Variants in RBM28 observed in about 807,000 individuals in gnomAD.
The protein encoded by RBM28 is RNA-binding protein 28.
A neutral mutation model predicts 98.3 loss-of-function variants in RBM28; 78 were observed. The observed-to-expected ratio is 0.79, with a 90% CI of 0.66 to 0.96. The LOEUF is 0.96. Among genes scored for constraint, RBM28 ranks in the 40% least tolerant of loss-of-function variants. RBM28 has a pLI of 0.00. For synonymous variants in RBM28, 306 were observed against 330.9 expected, an observed-to-expected ratio of 0.92 and a Z score of 0.82; for missense variants, 838 against 913.0, an observed-to-expected ratio of 0.92 and a Z score of 1.06.
Position 128,302,675 on chromosome 7 carries a change from G to GAGAA in RBM28, c.*8118_*8121dup, listed in dbSNP as rs776209107. ...ATTTGGCTTGTGGTAGATCAGGAGA[G>GAGAA]AGAAAGAAAGAAAAAACAACTACAA... On this transcript the variant is annotated 3_prime_UTR_variant, in exon 19 of 19. Transcript: ENST00000223073. 4 of 152,200 alleles carry GAGAA rather than the reference G, an allele frequency of 2.6e-5. No homozygotes were observed. Among genetic ancestry groups the GAGAA allele is most frequent in the Non-Finnish European group, 4.4e-5 (3 of 68,058 alleles). 9.4% of individuals were successfully genotyped at this position (152,200 alleles called of 1,614,324 possible).
At position 128,332,833 on chromosome 7, in the gene RBM28, G is replaced by A. The variant is rs568115570; in HGVS notation, c.1019+457C>T. ...TAGAGCTAAAACACAACAGCAACAC[G>A]AAATAAAGCCTATTGCCACCCCCAC... On this transcript the variant is annotated intron_variant, in intron 9 of 18. Transcript: ENST00000223073. 6.5e-4 allele frequency among the ~76,000 whole-genome samples: 99 copies of A among 152,182 alleles called. 1 individual carries two copies. Among genetic ancestry groups the A allele is most frequent in the Middle Eastern group, 6.8e-3 (2 of 294 alleles).
At position 128,317,716 on chromosome 7, in the gene RBM28, G is replaced by A. The variant is rs1584638503; in HGVS notation, c.1731C>T (p.Phe577=). ...FGPLKRPIVE[F]SLEDRRKLKM... ...TAAGTTTTCTTCGATCTTCTAAAGA[G>A]AACTCCACTATTGGTCTCTGTCAGA... The change falls in exon 16 of 19, where the codon TTC becomes TTT. Residue 577 remains phenylalanine (F), a synonymous_variant. Coordinates refer to ENST00000223073, the MANE Select transcript of RBM28 (RefSeq NM_018077.3). 4 of 1,605,560 alleles carry A rather than the reference G, an allele frequency of 2.5e-6. No individual in the cohort carries two copies. Among genetic ancestry groups the A allele is most frequent in the Middle Eastern group, 1.6e-4 (1 of 6,070 alleles).
chr7:128,310,675 C>T lies in RBM28; in HGVS notation c.*122G>A. 2 of 1,327,158 alleles carry T rather than the reference C, an allele frequency of 1.5e-6. No individual in the cohort carries two copies. Among genetic ancestry groups the T allele is most frequent in the Non-Finnish European group, 1.1e-6 (1 of 931,096 alleles). 82.2% of individuals were successfully genotyped at this position (1,327,158 alleles called of 1,614,324 possible). On this transcript the variant is annotated 3_prime_UTR_variant, in exon 19 of 19. Transcript: ENST00000223073. ...GTACACAGTCCAGGGCACCTCCGAG[C>T]ACAGTGGCAGTGCCCTTGGGGATTT...
intron 13 of RBM28, among the ~76,000 whole-genome samples, chr7:128,321,678 T>A (rs1170766660): frequency 6.6e-6 from 1 of 152,116 alleles, no homozygotes; most frequent in Non-Finnish European, 1.5e-5. Context: ...TTACATAAAA[T>A]TTTAAAGCCA....
chr7:128,298,851 A>G lies in RBM28; in HGVS notation c.*11946T>C, dbSNP rs1273785148. ...ATAGCGAAACTCTGTCTCTATAACA[A>G]ATACACCAAAAATTAGCTAGGCATG... On this transcript the variant is annotated 3_prime_UTR_variant, in exon 19 of 19. Coordinates refer to ENST00000223073, the MANE Select transcript of RBM28 (RefSeq NM_018077.3). 2.0e-5 allele frequency: 3 copies of G among 152,134 alleles called. No homozygotes were observed. Among genetic ancestry groups the G allele is most frequent in the Admixed American group, 1.3e-4 (2 of 15,260 alleles). 9.4% of individuals were successfully genotyped at this position (152,134 alleles called of 1,614,324 possible). A position where few individuals can be genotyped will look rare whatever the true frequency, so the allele number is the denominator to read the frequency against.
intron 10 of RBM28, among the ~76,000 whole-genome samples, chr7:128,328,260 T>A (rs939480752): frequency 6.6e-6 from 1 of 152,228 alleles, no homozygotes; most frequent in African/African-American, 2.4e-5. Flanking sequence ...AATAGGCAGA[T>A]TCAAATGAAT....
chr7:128,315,470 C>T (rs1325646207), intron 16 of RBM28, among the ~76,000 whole-genome samples: 1 of 152,172 alleles, frequency 6.6e-6, no homozygotes, highest in African/African-American at 2.4e-5. Flanking sequence ...AATTTACAAC[C>T]AGTCATATCA....
intron 1 of RBM28, among the ~76,000 whole-genome samples, chr7:128,342,769 T>G (rs994938432): frequency 2.0e-5 from 3 of 152,244 alleles, no homozygotes; most frequent in Admixed American, 6.5e-5. Context: ...CCAGTCACCC[T>G]GTCCTCCTTA....
chr7:128,312,088 A>AACAC (rs34825938), intron 18 of RBM28, among the ~76,000 whole-genome samples: 11,337 of 152,060 alleles, frequency 0.075, 578 homozygotes, highest in East Asian at 0.25. Context: ...GATATAAGGA[A>AACAC]ACACACACAC....
In RBM28 at chr7:128,330,865, G is replaced by C; in HGVS notation, c.1083C>G (p.Leu361=). Residue 361 remains leucine, a synonymous_variant, in exon 10 of 19, where the codon CTC becomes CTG. Coordinates refer to ENST00000223073, the MANE Select transcript of RBM28 (RefSeq NM_018077.3). ...GATGCAAGACAATGCGGACATATTT[G>C]AGTTCTCCAAACTGTTGGAGAAGCT... The part of the protein sequence containing the change: ...LGELLQQFGE[L]KYVRIVLHPD... 6.2e-7 allele frequency: 1 copy of C among 1,614,104 alleles called. No homozygotes were observed.
intron 13 of RBM28, among the ~76,000 whole-genome samples, chr7:128,323,262 T>C (rs1796275066): frequency 6.6e-6 from 1 of 152,204 alleles, no homozygotes; most frequent in Non-Finnish European, 1.5e-5. Context: ...TAGCAGCATG[T>C]GTTCAGCAAA....
chr7:128,320,771 CTGT>C (rs1434466713), intron 14 of RBM28, among the ~76,000 whole-genome samples: 14 of 152,374 alleles, frequency 9.2e-5, no homozygotes, highest in African/African-American at 3.4e-4. Flanking sequence ...TTGCATTCTG[CTGT>C]AATTCAGTCA....
chr7:128,317,433 T>C (rs1796128726), intron 16 of RBM28, among the ~76,000 whole-genome samples: 5 of 152,270 alleles, frequency 3.3e-5, no homozygotes, highest in Middle Eastern at 3.4e-3. Flanking sequence ...GGAAATAACA[T>C]TGGTCTGCTT....
rs1796027293 is a variant in RBM28, at chr7:128,313,266, T to G, written c.2054A>C (p.Asp685Ala). 6.2e-7 allele frequency: 1 copy of G among 1,613,858 alleles called. No individual in the cohort carries two copies. Among genetic ancestry groups the G allele is most frequent in the Non-Finnish European group, 8.5e-7 (1 of 1,179,844 alleles). The change falls in exon 18 of 19, where the codon GAC becomes GCC. Residue 685 changes from aspartate (D) to alanine (A), a missense_variant. By Grantham distance (126) the Asp-to-Ala change is moderately radical. Coordinates refer to ENST00000223073, the MANE Select transcript of RBM28 (RefSeq NM_018077.3). ...ATGGACGGGCTTCACTTTGCCTTTG[T>G]CCCGCAACCTGAAATAACATGGCTG... is the stretch of plus-strand genomic sequence containing the variant. ...SHRGPKIRLR[D>A]KGKVKPVHPK...
chr7:128,339,718 C>T lies in RBM28; in HGVS notation c.192G>A (p.Glu64=). 6.2e-7 allele frequency: 1 copy of T among 1,613,888 alleles called. No homozygotes were observed. Among genetic ancestry groups the T allele is most frequent in the South Asian group, 1.1e-5 (1 of 91,072 alleles). The stretch of plus-strand genomic sequence containing the variant: ...TCTTGCAACCTTCAAAGGTGGTAAT[C>T]TCCTTGAGGGCCCTCTGAACATCTT... The part of the protein sequence containing the change: ...MLEDVQRALK[E]ITTFEGCKIN... The change falls in exon 2 of 19, where the codon GAG becomes GAA. Residue 64 remains glutamate (E), a synonymous_variant. Transcript: ENST00000223073.
chr7:128,302,618 C>A lies in RBM28; in HGVS notation c.*8179G>T, dbSNP rs2116298367. 1 of 152,242 alleles carries A rather than the reference C, an allele frequency of 6.6e-6. No individual in the cohort carries two copies. The highest frequency in any genetic ancestry group is 2.1e-4 in the South Asian group (1 of 4,822). The allele number at this position is 152,242 out of a possible 1,614,324, so 9.4% of individuals were successfully genotyped here. ...TAAATGTATTCACTCCTCAGACTCT[C>A]TTTTTTCACCTATTAGTATGTATAT... is the stretch of plus-strand genomic sequence containing the variant. On this transcript the variant is annotated 3_prime_UTR_variant, in exon 19 of 19. Transcript: ENST00000223073.
intron 10 of RBM28, among the ~76,000 whole-genome samples, chr7:128,329,341 C>T (rs1449059061): frequency 6.6e-6 from 1 of 152,176 alleles, no homozygotes; most frequent in African/African-American, 2.4e-5. Flanking sequence ...TCAGGTGATC[C>T]GCCTGCCTCA....
intron 1 of RBM28, among the ~76,000 whole-genome samples, chr7:128,341,673 G>C (rs1796728271): frequency 6.6e-6 from 1 of 152,216 alleles, no homozygotes; most frequent in South Asian, 2.1e-4. Flanking sequence ...TGTAAGGTAA[G>C]ATTGCATGTA....
intron 5 of RBM28, among the ~76,000 whole-genome samples, chr7:128,337,848 A>G (rs1333557448): frequency 6.6e-6 from 1 of 152,184 alleles, no homozygotes; most frequent in Non-Finnish European, 1.5e-5. Flanking sequence ...GGTGTGAGCC[A>G]CCGCACCTGG....
Sources: gnomAD v4.1 joint callset for allele counts (sites outside exome capture counted in the v4.1 genomes callset) on GRCh38, gnomAD v4.1.1 for gene constraint, MANE v1.5 for transcripts, NCBI Gene and HGNC (gene_info 2026-07-23, HGNC 2026-07-21) for gene names.